FARP1: variants seen among roughly 807,000 people sequenced by gnomAD.
FARP1 encodes the protein FERM, ARH/RhoGEF and pleckstrin domain protein 1.
Under a neutral mutation model 128.8 loss-of-function variants are expected in FARP1, and 52 were observed. That is an observed-to-expected ratio of 0.40 (90% CI 0.32 to 0.51). FARP1 has a LOEUF of 0.51. Ranked by LOEUF, FARP1 falls within the 20% of genes least tolerant of loss-of-function variation. The pLI is 0.45. For missense variants in FARP1, 1,333 were observed against 1,367.9 expected, an observed-to-expected ratio of 0.97 and a Z score of 0.40; for synonymous variants, 580 against 551.8, an observed-to-expected ratio of 1.05 and a Z score of -0.72.
At chr13:98,258,294 G>C (rs574407157) in intron 2 of FARP1, among the ~76,000 whole-genome samples, 1 of 152,184 alleles carries the variant, frequency 6.6e-6, no homozygotes, top group South Asian at 2.1e-4. Flanking sequence ...AATTTAAAAA[G>C]TAAACTTAAA....
chr13:98,298,104 C>T (rs568545634), intron 2 of FARP1, among the ~76,000 whole-genome samples: 6 of 152,312 alleles, frequency 3.9e-5, no homozygotes, highest in South Asian at 2.1e-4. Flanking sequence ...ATGGGAACTG[C>T]CCCAAGCCCC....
At chr13:98,167,505 GT>G (rs1407090714) in intron 1 of FARP1, among the ~76,000 whole-genome samples, 2 of 151,352 alleles carry the variant, frequency 1.3e-5, no homozygotes, top group Admixed American at 1.3e-4. Flanking sequence ...TGCCTCCCTG[GT>G]TCAAGTGATT....
intron 2 of FARP1, among the ~76,000 whole-genome samples, chr13:98,291,685 A>G (rs960346240): frequency 6.6e-6 from 1 of 152,114 alleles, no homozygotes; most frequent in African/African-American, 2.4e-5. Context: ...TGTACTCCCA[A>G]CAAGCTAGCC....
intron 4 of FARP1, among the ~76,000 whole-genome samples, chr13:98,366,852 A>C (rs1003960723): frequency 1.3e-5 from 2 of 152,036 alleles, no homozygotes; most frequent in Non-Finnish European, 2.9e-5. Context: ...AATTTTGTAC[A>C]TATTGTCAAC....
At chr13:98,288,301 A>G (rs1372226379) in intron 2 of FARP1, among the ~76,000 whole-genome samples, 1 of 152,174 alleles carries the variant, frequency 6.6e-6, no homozygotes, top group Non-Finnish European at 1.5e-5. Context: ...TCTTTGGGAT[A>G]AAATCTAAGC....
intron 1 of FARP1, among the ~76,000 whole-genome samples, chr13:98,152,751 A>G (rs1342605409): frequency 7.2e-6 from 1 of 139,170 alleles, no homozygotes; most frequent in South Asian, 2.4e-4. Context: ...ACTGATTTCT[A>G]CCTGTTAATT....
intron 1 of FARP1, among the ~76,000 whole-genome samples, chr13:98,158,291 C>G (rs1876633101): frequency 6.6e-6 from 1 of 152,146 alleles, no homozygotes; most frequent in African/African-American, 2.4e-5. Flanking sequence ...TAAGCTAAGC[C>G]TGCTACACAT....
chr13:98,396,378 C>T lies in FARP1; in HGVS notation c.1414+902C>T, dbSNP rs1026936022. The T allele has an allele frequency of 1.5e-5, 6 of 399,220 alleles. 1 individual carries two copies. The highest frequency in any genetic ancestry group is 4.4e-5 in the Admixed American group (1 of 22,742). 24.7% of individuals were successfully genotyped at this position (399,220 alleles called of 1,614,324 possible). On this transcript the variant is annotated intron_variant, in intron 13 of 26. Coordinates refer to ENST00000319562, the MANE Select transcript of FARP1 (RefSeq NM_005766.4). ...GGAGTCAGCCCCTCATATTTGGTAA[C>T]CCCGCAGTGCTGCGTTCCCCGTCCC...
chr13:98,225,361 G>A (rs917212868), intron 2 of FARP1, among the ~76,000 whole-genome samples: 4 of 152,148 alleles, frequency 2.6e-5, no homozygotes, highest in Non-Finnish European at 4.4e-5. Flanking sequence ...ACAGGACTGA[G>A]CTGCTTGGAC....
chr13:98,249,362 A>C (rs886707263), intron 2 of FARP1, among the ~76,000 whole-genome samples: 2 of 152,182 alleles, frequency 1.3e-5, no homozygotes, highest in African/African-American at 4.8e-5. Flanking sequence ...GGGAACATAA[A>C]ATTTTTAATG....
chr13:98,445,950 C>T (rs1389214266), intron 24 of FARP1, 148 bp from the exon 25 acceptor site: 15 of 597,332 alleles, frequency 2.5e-5, no homozygotes, highest in Non-Finnish European at 4.2e-5. Context: ...TGCCAAGTCT[C>T]CCCACACACG....
At chr13:98,237,528 T>C (rs6491409) in intron 2 of FARP1, among the ~76,000 whole-genome samples, 77,957 of 152,128 alleles carry the variant, frequency 0.51, 23,045 homozygotes, top group African/African-American at 0.83. Flanking sequence ...CTGCTTCAAA[T>C]GTGGATCATC....
At chr13:98,324,623 C>T (rs1243154052) in intron 2 of FARP1, among the ~76,000 whole-genome samples, 1 of 152,224 alleles carries the variant, frequency 6.6e-6, no homozygotes, top group Non-Finnish European at 1.5e-5. Context: ...GCGATGTACT[C>T]ACTGGTCTAT....
chr13:98,146,036 G>A (rs1362856541), intron 1 of FARP1, among the ~76,000 whole-genome samples: 1 of 151,938 alleles, frequency 6.6e-6, no homozygotes, highest in Non-Finnish European at 1.5e-5. Flanking sequence ...TTGGAAAATT[G>A]TATATATTTA....
chr13:98,307,501 G>A (rs571083397), intron 2 of FARP1, among the ~76,000 whole-genome samples: 119 of 152,066 alleles, frequency 7.8e-4, no homozygotes, highest in Non-Finnish European at 1.1e-3. Flanking sequence ...CCTTGTGGGT[G>A]TCCCGAGGTG....
chr13:98,296,084 C>G (rs1287422443), intron 2 of FARP1, among the ~76,000 whole-genome samples: 5 of 152,108 alleles, frequency 3.3e-5, no homozygotes, highest in Non-Finnish European at 7.3e-5. Flanking sequence ...TGCATCAGAG[C>G]TTTGGGGATG....
intron 1 of FARP1, chr13:98,159,472 ATT>A (rs200328845): frequency 2.9e-3 from 396 of 135,414 alleles, no homozygotes; most frequent in African/African-American, 9.9e-3. Flanking sequence ...TTTAATTGTG[ATT>A]TTTTTTTTTT....
chr13:98,448,314 T>C lies in FARP1; in HGVS notation c.3135T>C (p.Tyr1045=), dbSNP rs1367198997. Residue 1045 remains tyrosine (Y), a synonymous_variant, in exon 27 of 27, where the codon TAT becomes TAC. Transcript: ENST00000319562. ...TGAGTCACAAAGAGTCTCTTGTGTATTGATGGCCGGACACACTCGTTTCCG... is the reference window on the plus strand; with the variant it reads ...TGAGTCACAAAGAGTCTCTTGTGTACTGATGGCCGGACACACTCGTTTCCG... ...HVLSHKESLV[Y] is the part of the protein sequence containing the mutation. The C allele has an allele frequency of 6.8e-6, 11 of 1,611,938 alleles. No individual in the cohort carries two copies. Among genetic ancestry groups the C allele is most frequent in the Non-Finnish European group, 9.3e-6 (11 of 1,178,072 alleles).
intron 1 of FARP1, among the ~76,000 whole-genome samples, chr13:98,173,014 C>T (rs74108690): frequency 2.3e-3 from 352 of 152,256 alleles, no homozygotes; most frequent in African/African-American, 7.5e-3. Context: ...TGGGGAAATA[C>T]GCATTCTGGT....
Sources: gnomAD v4.1 joint callset for allele counts (sites outside exome capture counted in the v4.1 genomes callset) on GRCh38, gnomAD v4.1.1 for gene constraint, MANE v1.5 for transcripts, NCBI Gene and HGNC (gene_info 2026-07-23, HGNC 2026-07-21) for gene names.